CAPN5: variants seen among roughly 807,000 people sequenced by gnomAD.
The protein encoded by CAPN5 is calpain 5.
Under a neutral mutation model 73.0 loss-of-function variants are expected in CAPN5, and 54 were observed. The observed-to-expected ratio is 0.74, with a 90% confidence interval of 0.59 to 0.93. The LOEUF is 0.93. Among genes scored for constraint, CAPN5 ranks in the 40% least tolerant of loss-of-function variants. The pLI, the probability that CAPN5 is intolerant of heterozygous loss-of-function variation, is 0.00. For missense variants in CAPN5, 785 were observed against 882.9 expected (o/e 0.89, Z 1.41); for synonymous variants, 335 against 356.9 (o/e 0.94, Z 0.69).
intron 1 of CAPN5, among the ~76,000 whole-genome samples, chr11:77,069,929 T>C (rs10793234): frequency 0.61 from 93,089 of 151,972 alleles, 28,750 homozygotes; most frequent in Middle Eastern, 0.68. Flanking sequence ...TGCCTTGCTT[T>C]AGTGCAGGCA....
intron 10 of CAPN5, among the ~76,000 whole-genome samples, chr11:77,121,694 G>A (rs972883966): frequency 1.3e-5 from 2 of 151,664 alleles, no homozygotes; most frequent in African/African-American, 4.9e-5. Context: ...CACAGCAGGT[G>A]CTCAGTAAGG....
At chr11:77,107,843 C>G (rs1950367662) in intron 3 of CAPN5, among the ~76,000 whole-genome samples, 2 of 152,272 alleles carry the variant, frequency 1.3e-5, no homozygotes, top group South Asian at 4.1e-4. Flanking sequence ...AGGAGGTTGA[C>G]CAGGTCATCT....
intron 3 of CAPN5, among the ~76,000 whole-genome samples, chr11:77,095,416 C>T (rs1304789935): frequency 2.6e-5 from 4 of 152,206 alleles, no homozygotes; most frequent in Admixed American, 6.5e-5. Context: ...TCCCACTTTG[C>T]CCTGCAATTG....
At chr11:77,077,726 G>A (rs1218673245) in intron 1 of CAPN5, among the ~76,000 whole-genome samples, 1 of 152,068 alleles carries the variant, frequency 6.6e-6, no homozygotes, top group Admixed American at 6.6e-5. Context: ...TGTTGAGCAG[G>A]CTGGTCTTGA....
intron 3 of CAPN5, among the ~76,000 whole-genome samples, chr11:77,105,929 C>G (rs1397567428): frequency 6.6e-6 from 1 of 152,188 alleles, no homozygotes; most frequent in Non-Finnish European, 1.5e-5. Context: ...CGTGGAGGGG[C>G]TGGAAGCAGG....
chr11:77,112,558 C>T lies in CAPN5; in HGVS notation c.298-31C>T, dbSNP rs781786509. 3.5e-6 allele frequency: 5 copies of T among 1,443,496 alleles called. No individual in the cohort carries two copies. The Admixed American group carries it at 5.0e-5, about 15-fold the overall frequency. 89.4% of individuals were successfully genotyped at this position (1,443,496 alleles called of 1,614,324 possible). ...AAGCCGGACATCCCCTCACTGTGTT[C>T]CCCCATCCTATCCCCCCTCCCCCTA... On this transcript the variant is annotated intron_variant, in intron 3 of 12. Coordinates refer to ENST00000648180, the MANE Select transcript of CAPN5 (RefSeq NM_004055.5).
At chr11:77,087,102 G>T (rs1950095507) in intron 2 of CAPN5, among the ~76,000 whole-genome samples, 1 of 152,236 alleles carries the variant, frequency 6.6e-6, no homozygotes, top group Non-Finnish European at 1.5e-5. Flanking sequence ...GGGCCCAAGG[G>T]GCAGCAGTGA....
chr11:77,080,358 T>C (rs1555034452), intron 1 of CAPN5, among the ~76,000 whole-genome samples: 1 of 152,204 alleles, frequency 6.6e-6, no homozygotes, highest in African/African-American at 2.4e-5. Context: ...CTGCTGGGCT[T>C]GGGCTCAGCT....
chr11:77,093,564 T>A, intron 2 of CAPN5, 118 bp from the exon 3 acceptor site: 1 of 1,412,530 alleles, frequency 7.1e-7, no homozygotes, highest in South Asian at 1.4e-5. Flanking sequence ...TGAATCACCA[T>A]GCTGATGATC....
At position 77,118,179 on chromosome 11, in the gene CAPN5, C is replaced by T. The variant is rs782554316; in HGVS notation, c.994C>T (p.Arg332Trp). The T allele has an allele frequency of 2.7e-5, 44 of 1,613,418 alleles. No individual in the cohort carries two copies. Among genetic ancestry groups the T allele is most frequent in the Admixed American group, 1.3e-4 (8 of 59,952 alleles). Reference protein sequence around the residue: ...EFWMTFEDVCRYFTDIIKCRV... With the variant: ...EFWMTFEDVCWYFTDIIKCRV... Reference sequence around the variant, plus strand: ...CAGGATGACCTTCGAGGACGTGTGCCGGTACTTCACGGACATCATCAAGTG... The same window carrying T: ...CAGGATGACCTTCGAGGACGTGTGCTGGTACTTCACGGACATCATCAAGTG... The change falls in exon 8 of 13, where the codon CGG (arginine) becomes TGG (tryptophan). Residue 332 changes from arginine to tryptophan, a missense_variant. Physicochemically the swap from Arg to Trp is moderately radical, Grantham distance 101. Transcript: ENST00000648180.
chr11:77,097,146 T>A (rs976338176), intron 3 of CAPN5, among the ~76,000 whole-genome samples: 4 of 151,862 alleles, frequency 2.6e-5, no homozygotes, highest in African/African-American at 9.7e-5. Flanking sequence ...GGCGTGAACC[T>A]GGGAGGTGGA....
intron 1 of CAPN5, among the ~76,000 whole-genome samples, chr11:77,083,048 T>A (rs542981752): frequency 5.3e-5 from 8 of 152,078 alleles, no homozygotes; most frequent in Admixed American, 4.6e-4. Context: ...CTCCCCTCTC[T>A]CCCTCAGACC....
At chr11:77,117,377 A>G (rs1246322946) in intron 7 of CAPN5, among the ~76,000 whole-genome samples, 4 of 152,124 alleles carry the variant, frequency 2.6e-5, no homozygotes, top group African/African-American at 4.8e-5. Flanking sequence ...CTGGAGGGGT[A>G]TTGGCATCCT....
At chr11:77,079,237 C>G (rs188114654) in intron 1 of CAPN5, among the ~76,000 whole-genome samples, 2 of 152,164 alleles carry the variant, frequency 1.3e-5, no homozygotes, top group Non-Finnish European at 2.9e-5. Context: ...TACAGGCATG[C>G]ACCATCACAC....
chr11:77,095,733 TGGTTCCTG>T (rs1950202267), intron 3 of CAPN5, among the ~76,000 whole-genome samples: 1 of 152,204 alleles, frequency 6.6e-6, no homozygotes, highest in Non-Finnish European at 1.5e-5. Context: ...TGGGCCCAAG[TGGTTCCTG>T]GTGCAGCTCC....
chr11:77,107,222 G>A (rs1289005302), intron 3 of CAPN5, among the ~76,000 whole-genome samples: 1 of 152,298 alleles, frequency 6.6e-6, no homozygotes. Context: ...GCTGAGAGCT[G>A]AGGAATCTCA....
At chr11:77,116,425 T>G in intron 7 of CAPN5, 122 bp downstream of exon 7, 1 of 760,356 alleles carries the variant, frequency 1.3e-6, no homozygotes. Flanking sequence ...CAATTTGCTG[T>G]GTGGCCTTGG....
intron 2 of CAPN5, among the ~76,000 whole-genome samples, chr11:77,092,951 G>A (rs887465554): frequency 6.6e-6 from 1 of 152,168 alleles, no homozygotes; most frequent in Non-Finnish European, 1.5e-5. Flanking sequence ...ACTCCAGCCT[G>A]GGCAAAAGAG....
At chr11:77,079,652 A>G (rs1555034356) in intron 1 of CAPN5, among the ~76,000 whole-genome samples, 1 of 152,184 alleles carries the variant, frequency 6.6e-6, no homozygotes, top group African/African-American at 2.4e-5. Context: ...ACATATTCTT[A>G]GAATTACTAG....
Sources: gnomAD v4.1 joint callset for allele counts (sites outside exome capture counted in the v4.1 genomes callset) on GRCh38, gnomAD v4.1.1 for gene constraint, MANE v1.5 for transcripts, NCBI Gene and HGNC (gene_info 2026-07-23, HGNC 2026-07-21) for gene names.